Variants in DCC observed in about 807,000 individuals in gnomAD.
DCC encodes the protein DCC netrin 1 receptor.
Under a neutral mutation model 172.5 loss-of-function variants are expected in DCC, and 58 were observed. That is an observed-to-expected ratio of 0.34 (90% CI 0.27 to 0.42). DCC has a LOEUF of 0.42. DCC is among the 10% of genes least tolerant of loss of function. The pLI is 1.00. For synonymous variants in DCC, 709 were observed against 644.5 expected (o/e 1.10, Z -1.52); for missense variants, 1,740 against 1,791.0 (o/e 0.97, Z 0.51).
intron 20 of DCC, among the ~76,000 whole-genome samples, chr18:53,411,712 C>G (rs1910000405): frequency 6.6e-6 from 1 of 152,116 alleles, no homozygotes; most frequent in Non-Finnish European, 1.5e-5. Flanking sequence ...CAACAACACA[C>G]AAGCAAGCAT....
At chr18:52,485,227 G>A (rs1304384888) in intron 1 of DCC, among the ~76,000 whole-genome samples, 1 of 152,094 alleles carries the variant, frequency 6.6e-6, no homozygotes, top group African/African-American at 2.4e-5. Flanking sequence ...ATATGGAACA[G>A]CCAGGAGGTC....
chr18:52,644,415 A>G (rs532608363), intron 1 of DCC, among the ~76,000 whole-genome samples: 1 of 152,016 alleles, frequency 6.6e-6, no homozygotes, highest in Admixed American at 6.5e-5. Flanking sequence ...CGTCTCTACT[A>G]AAAAATACAA....
chr18:52,775,921 T>G (rs1386622280), intron 2 of DCC, among the ~76,000 whole-genome samples: 1 of 152,210 alleles, frequency 6.6e-6, no homozygotes, highest in Non-Finnish European at 1.5e-5. Flanking sequence ...GGCACTTCCC[T>G]GCCCCCTTCA....
At chr18:53,041,070 T>G (rs2042162303) in intron 5 of DCC, among the ~76,000 whole-genome samples, 1 of 150,826 alleles carries the variant, frequency 6.6e-6, no homozygotes. Context: ...TGGATTTTGT[T>G]GCAATTGCTT....
At chr18:53,045,640 G>A (rs562193568) in intron 5 of DCC, among the ~76,000 whole-genome samples, 1 of 151,898 alleles carries the variant, frequency 6.6e-6, no homozygotes, top group African/African-American at 2.4e-5. Flanking sequence ...AATCTTAATA[G>A]TCAATGAAAA....
chr18:53,406,039 G>A (rs1909632069), intron 19 of DCC, among the ~76,000 whole-genome samples: 1 of 152,260 alleles, frequency 6.6e-6, no homozygotes, highest in Middle Eastern at 3.4e-3. Flanking sequence ...CTTCCCAAGT[G>A]ACTTATTGTA....
intron 5 of DCC, among the ~76,000 whole-genome samples, chr18:53,049,983 T>C (rs1368165776): frequency 6.6e-6 from 1 of 152,130 alleles, no homozygotes; most frequent in African/African-American, 2.4e-5. Context: ...ACCAACTTTG[T>C]AGCCTTCAGT....
At chr18:52,960,246 A>C (rs2040821417) in intron 5 of DCC, among the ~76,000 whole-genome samples, 1 of 152,180 alleles carries the variant, frequency 6.6e-6, no homozygotes, top group Non-Finnish European at 1.5e-5. Context: ...TAAGGAGGGA[A>C]AACTTTTATC....
rs149368621 is a variant in DCC, at chr18:52,594,171, C to T, written c.92-157883C>T. ...AAAATCTAAGGAAAAGGGCACCCCCCTGGATGGATATTTGGTAGAAACTTG... is the reference window on the plus strand; with the variant it reads ...AAAATCTAAGGAAAAGGGCACCCCCTTGGATGGATATTTGGTAGAAACTTG... On this transcript the variant is annotated intron_variant, in intron 1 of 28. Coordinates refer to ENST00000442544, the MANE Select transcript of DCC (RefSeq NM_005215.4). Among the ~76,000 whole-genome samples the T allele has an allele frequency of 5.6e-4, 85 of 152,310 alleles. 3 individuals carry two copies. The East Asian group carries it at 0.013, about 24-fold the overall frequency.
At chr18:52,683,767 A>G (rs1355300633) in intron 1 of DCC, among the ~76,000 whole-genome samples, 5 of 152,038 alleles carry the variant, frequency 3.3e-5, no homozygotes, top group Non-Finnish European at 7.4e-5. Flanking sequence ...CATAACCCAT[A>G]GTTTGGAACA....
At chr18:52,484,733 A>G (rs2030125285) in intron 1 of DCC, among the ~76,000 whole-genome samples, 1 of 151,884 alleles carries the variant, frequency 6.6e-6, no homozygotes, top group African/African-American at 2.4e-5. Flanking sequence ...TGCTGCACCT[A>G]TCAAACCACC....
At chr18:52,369,075 T>C (rs1985001556) in intron 1 of DCC, among the ~76,000 whole-genome samples, 1 of 152,164 alleles carries the variant, frequency 6.6e-6, no homozygotes, top group African/African-American at 2.4e-5. Context: ...GTGTTTCATG[T>C]AATTTCTTTG....
chr18:52,849,466 G>T (rs2038942573), intron 2 of DCC, among the ~76,000 whole-genome samples: 1 of 152,124 alleles, frequency 6.6e-6, no homozygotes, highest in South Asian at 2.1e-4. Context: ...TCATGGATGG[G>T]AATAGTGCCC....
chr18:53,009,594 T>C (rs914532039), intron 5 of DCC, among the ~76,000 whole-genome samples: 9 of 151,964 alleles, frequency 5.9e-5, no homozygotes, highest in Non-Finnish European at 1.3e-4. Flanking sequence ...GTTGGAGTTT[T>C]GTACCAATGC....
intron 7 of DCC, among the ~76,000 whole-genome samples, chr18:53,115,518 T>A (rs193155491): frequency 2.6e-5 from 4 of 151,650 alleles, no homozygotes; most frequent in African/African-American, 9.6e-5. Context: ...ATTTCAAAAC[T>A]GGACCATCCA....
rs1048333830 is a variant in DCC at position 53,533,305 on chromosome 18, G to A, written c.*2652G>A. The A allele has an allele frequency of 6.6e-6, 1 of 151,988 alleles. No individual in the cohort carries two copies. Among genetic ancestry groups the A allele is most frequent in the Non-Finnish European group, 1.5e-5 (1 of 68,002 alleles). The allele number at this position is 151,988 out of a possible 1,614,324, so 9.4% of individuals were successfully genotyped here. A position where few individuals can be genotyped will look rare whatever the true frequency, so the allele number is the denominator to read the frequency against. ...ACTGAGTCTAGTTCATGGTATCCAG[G>A]ACTCTTTATGCTCATAACTCTCTCT... On this transcript the variant is annotated 3_prime_UTR_variant, in exon 29 of 29. Transcript: ENST00000442544.
At chr18:53,151,548 T>C (rs1195181043) in intron 7 of DCC, among the ~76,000 whole-genome samples, 2 of 152,208 alleles carry the variant, frequency 1.3e-5, no homozygotes, top group Non-Finnish European at 2.9e-5. Context: ...AGATAATGCA[T>C]TGTCAATTAG....
chr18:52,651,018 T>G (rs2144923604), intron 1 of DCC, among the ~76,000 whole-genome samples: 1 of 152,350 alleles, frequency 6.6e-6, no homozygotes, highest in Non-Finnish European at 1.5e-5. Context: ...ATTCTTTTTT[T>G]ATGAAAAGAA....
intron 12 of DCC, among the ~76,000 whole-genome samples, chr18:53,281,996 G>A (rs1336336109): frequency 6.6e-6 from 1 of 152,120 alleles, no homozygotes; most frequent in Non-Finnish European, 1.5e-5. Flanking sequence ...CCTTAGTTTA[G>A]ATAGTAAGTT....
Sources: allele counts gnomAD v4.1 joint callset (sites outside exome capture counted in the v4.1 genomes callset), GRCh38; gene constraint gnomAD v4.1.1; transcripts MANE v1.5; gene names NCBI Gene and HGNC (gene_info 2026-07-23, HGNC 2026-07-21).